Variants in TP63 observed in about 807,000 individuals in gnomAD.
The protein encoded by TP63 is tumor protein p63, also known as tumor protein 63.
In TP63, 17 loss-of-function variants were observed where a neutral mutation model predicts 82.8. That is an observed-to-expected ratio of 0.21 (90% CI 0.14 to 0.31). The LOEUF (loss-of-function observed/expected upper bound fraction) is 0.31. TP63 is among the 10% of genes least tolerant of loss of function. The probability of loss-of-function intolerance (pLI) is 1.00; values close to 1 mark genes in which losing one functional copy is unlikely to be tolerated. For synonymous variants in TP63, 330 were observed against 321.7 expected (o/e 1.03, Z -0.28); for missense variants, 648 against 895.3 (o/e 0.72, Z 3.52).
At chr3:189,830,584 G>A (rs1712169196) in intron 4 of TP63, among the ~76,000 whole-genome samples, 1 of 152,210 alleles carries the variant, frequency 6.6e-6, no homozygotes, top group South Asian at 2.1e-4. Context: ...TTTTACACAA[G>A]TATCATTTCT....
At chr3:189,787,536 G>C (rs1322818699) in intron 3 of TP63, among the ~76,000 whole-genome samples, 1 of 152,070 alleles carries the variant, frequency 6.6e-6, no homozygotes, top group Non-Finnish European at 1.5e-5. Flanking sequence ...ATGTTAGACA[G>C]AGACCGTATT....
chr3:189,766,958 C>T (rs1442164264), intron 3 of TP63, among the ~76,000 whole-genome samples: 1 of 152,120 alleles, frequency 6.6e-6, no homozygotes, highest in South Asian at 2.1e-4. Flanking sequence ...CACCCTGCAG[C>T]CTGGGAGTGA....
chr3:189,599,046 C>G, the TP63 span, among the ~76,000 whole-genome samples: 110 of 152,346 alleles, frequency 7.2e-4, 3 homozygotes, highest in East Asian at 0.018. Context: ...TCCAAGCTCA[C>G]TTCAGAGTCC....
At position 189,759,266 on chromosome 3, in the gene TP63, G is replaced by A. The variant is rs543563485; in HGVS notation, c.324+20492G>A. Among the ~76,000 whole-genome samples the A allele has an allele frequency of 8.5e-5, 13 of 152,314 alleles. No homozygotes were observed. In the East Asian group the frequency reaches 2.3e-3, roughly 27 times the overall value. On this transcript the variant is annotated intron_variant, in intron 3 of 13. Coordinates refer to ENST00000264731, the MANE Select transcript of TP63 (RefSeq NM_003722.5). ...ATCAGAAACTGGAGGGAAAGTGAGA[G>A]TGGTGATCTTTCTATAAGCCCTCCA...
chr3:189,643,150 T>C (rs1712069224), intron 1 of TP63, among the ~76,000 whole-genome samples: 1 of 152,088 alleles, frequency 6.6e-6, no homozygotes. Context: ...TACAGGCACA[T>C]GCCGCTATGC....
intron 3 of TP63, among the ~76,000 whole-genome samples, chr3:189,765,579 C>T (rs1157634472): frequency 6.6e-6 from 1 of 151,268 alleles, no homozygotes; most frequent in Non-Finnish European, 1.5e-5. Context: ...ACTACAGGTG[C>T]CCACCAAACA....
At chr3:189,891,779 G>T (rs375033310) in intron 13 of TP63, among the ~76,000 whole-genome samples, 1 of 152,126 alleles carries the variant, frequency 6.6e-6, no homozygotes, top group Non-Finnish European at 1.5e-5. Context: ...CTTAGGCCGC[G>T]CTCTTCATGC....
chr3:189,837,717 C>T (rs1168059956), intron 4 of TP63, among the ~76,000 whole-genome samples: 1 of 152,186 alleles, frequency 6.6e-6, no homozygotes, highest in Non-Finnish European at 1.5e-5. Flanking sequence ...GTGGTGCAAT[C>T]ATGGCTCACT....
intron 13 of TP63, among the ~76,000 whole-genome samples, chr3:189,891,153 G>C (rs1178970563): frequency 6.6e-6 from 1 of 152,116 alleles, no homozygotes; most frequent in Non-Finnish European, 1.5e-5. Flanking sequence ...GGAAAGAGGA[G>C]CTATTCCCGC....
chr3:189,874,180 C>T (rs1318056357), intron 10 of TP63, among the ~76,000 whole-genome samples: 4 of 152,070 alleles, frequency 2.6e-5, no homozygotes, highest in Admixed American at 2.0e-4. Flanking sequence ...AGTGATTCTC[C>T]TGCCTCAGCC....
the TP63 span, among the ~76,000 whole-genome samples, chr3:189,623,175 C>T: frequency 6.6e-6 from 1 of 152,200 alleles, no homozygotes; most frequent in South Asian, 2.1e-4. Flanking sequence ...GTCTCAATTG[C>T]ATCTCCTTGC....
intron 3 of TP63, among the ~76,000 whole-genome samples, chr3:189,777,845 C>CTTTTTTTTTTTTTTTTTTTTTT (rs55731981): frequency 5.3e-5 from 2 of 37,770 alleles, no homozygotes; most frequent in Non-Finnish European, 9.2e-5. Context: ...TCTTCTTCTT[C>CTTTTTTTTTTTTTTTTTTTTTT]TTTTTTTTTT....
chr3:189,597,029 C>CTCCGAACACA, the TP63 span, among the ~76,000 whole-genome samples: 3 of 152,176 alleles, frequency 2.0e-5, no homozygotes, highest in African/African-American at 7.2e-5. Flanking sequence ...AAGGAAGAAA[C>CTCCGAACACA]TCCGAACACA....
intron 10 of TP63, among the ~76,000 whole-genome samples, chr3:189,877,364 C>G (rs1290101988): frequency 6.6e-6 from 1 of 152,154 alleles, no homozygotes; most frequent in East Asian, 1.9e-4. Context: ...CTCTTGAGAC[C>G]TATTTAGCAA....
intron 1 of TP63, among the ~76,000 whole-genome samples, chr3:189,691,355 A>AAAAAAAAAAAAAAAAAAAAAAAAG (rs1553813522): frequency 6.9e-6 from 1 of 143,922 alleles, no homozygotes; most frequent in Non-Finnish European, 1.5e-5. Flanking sequence ...AAAAAAAAAA[A>AAAAAAAAAAAAAAAAAAAAAAAAG]AAAAAGAAAA....
chr3:189,857,175 A>C (rs948893101), intron 4 of TP63, among the ~76,000 whole-genome samples: 1 of 152,150 alleles, frequency 6.6e-6, no homozygotes. Context: ...ATGGATAGAC[A>C]AATAGATCAA....
At chr3:189,875,617 T>TATATATATATACAC (rs1719046918) in intron 10 of TP63, among the ~76,000 whole-genome samples, 3 of 104,082 alleles carry the variant, frequency 2.9e-5, no homozygotes, top group African/African-American at 1.2e-4. Context: ...TATATATATA[T>TATATATATATACAC]ATATATATAT....
chr3:189,724,691 G>A (rs1719641690), intron 1 of TP63, among the ~76,000 whole-genome samples: 1 of 152,204 alleles, frequency 6.6e-6, no homozygotes, highest in Non-Finnish European at 1.5e-5. Flanking sequence ...AAGAGTGGAA[G>A]ACAAATACAA....
At position 189,864,142 on chromosome 3, in the gene TP63, G is replaced by A; in HGVS notation, c.580-90G>A. ...CAGGCAGCATGCAGCTCTAAAAAGT[G>A]GACAGATTTTCATTGTTCTGATTTG... is the stretch of plus-strand genomic sequence containing the variant. On this transcript the variant is annotated intron_variant, in intron 4 of 13. Transcript: ENST00000264731. 4 of 1,556,966 alleles carry A rather than the reference G, an allele frequency of 2.6e-6. No homozygotes were observed. In the Admixed American group the frequency reaches 5.0e-5, roughly 19 times the overall value.
Sources: gnomAD v4.1 joint callset for allele counts (sites outside exome capture counted in the v4.1 genomes callset) on GRCh38, gnomAD v4.1.1 for gene constraint, MANE v1.5 for transcripts, NCBI Gene and HGNC (gene_info 2026-07-23, HGNC 2026-07-21) for gene names.